FRMD4A: variants seen among roughly 807,000 people sequenced by gnomAD.
FRMD4A encodes FERM domain-containing protein 4A.
In FRMD4A, 29 loss-of-function variants were observed where a neutral mutation model predicts 129.1. The observed-to-expected ratio is 0.22, with a 90% CI of 0.17 to 0.31. FRMD4A has a LOEUF of 0.31. Among genes scored for constraint, FRMD4A ranks in the 10% least tolerant of loss-of-function variants. The pLI is 1.00. For missense variants in FRMD4A, 1,272 were observed against 1,375.8 expected, an observed-to-expected ratio of 0.92 and a Z score of 1.19; for synonymous variants, 634 against 571.6, an observed-to-expected ratio of 1.11 and a Z score of -1.56.
At chr10:13,752,747 A>G (rs1256523283) in intron 8 of FRMD4A, among the ~76,000 whole-genome samples, 1 of 152,226 alleles carries the variant, frequency 6.6e-6, no homozygotes, top group Admixed American at 6.5e-5. Context: ...ATATTTCATA[A>G]GTAGAGTGTT....
intron 5 of FRMD4A, among the ~76,000 whole-genome samples, chr10:13,787,819 T>C (rs1193916786): frequency 6.6e-6 from 1 of 150,424 alleles, no homozygotes; most frequent in East Asian, 1.9e-4. Context: ...TGGCCGGGCA[T>C]GCCTGTAATC....
intron 2 of FRMD4A, among the ~76,000 whole-genome samples, chr10:14,064,040 T>C (rs1305671055): frequency 6.6e-6 from 1 of 152,132 alleles, no homozygotes; most frequent in African/African-American, 2.4e-5. Flanking sequence ...GCTCCTTAAG[T>C]CAATACCAAG....
At chr10:13,729,760 A>T (rs140295695) in intron 12 of FRMD4A, among the ~76,000 whole-genome samples, 93 of 152,274 alleles carry the variant, frequency 6.1e-4, no homozygotes, top group African/African-American at 2.1e-3. Context: ...AAGTGTACAT[A>T]AAAGCCCCCC....
chr10:13,662,268 C>T (rs1172756650), intron 19 of FRMD4A, among the ~76,000 whole-genome samples: 1 of 152,126 alleles, frequency 6.6e-6, no homozygotes, highest in African/African-American at 2.4e-5. Context: ...AAATATATTC[C>T]AATCTGATTT....
intron 2 of FRMD4A, among the ~76,000 whole-genome samples, chr10:14,178,574 G>C (rs892140041): frequency 1.3e-5 from 2 of 152,146 alleles, no homozygotes; most frequent in African/African-American, 4.8e-5. Flanking sequence ...GAGAGAGGGT[G>C]GTGGGGATTA....
intron 2 of FRMD4A, among the ~76,000 whole-genome samples, chr10:14,101,517 C>T (rs1169292326): frequency 6.6e-6 from 1 of 152,090 alleles, no homozygotes; most frequent in Non-Finnish European, 1.5e-5. Context: ...TTCAACACAT[C>T]TTTTGAGATA....
At chr10:14,242,483 A>G (rs1053752837) in intron 2 of FRMD4A, among the ~76,000 whole-genome samples, 1 of 152,238 alleles carries the variant, frequency 6.6e-6, no homozygotes, top group African/African-American at 2.4e-5. Flanking sequence ...CCGCAGGTAT[A>G]AGTAGTATAT....
Position 14,193,984 on chromosome 10 carries a change from T to C in FRMD4A, c.45+136074A>G, listed in dbSNP as rs1842397177. ...AAATTCCCTTTCTTTTTTAATTCCATGAAGATCAGACTTTAAGACACAGAA... is the reference window on the plus strand; with the variant it reads ...AAATTCCCTTTCTTTTTTAATTCCACGAAGATCAGACTTTAAGACACAGAA... On this transcript the variant is annotated intron_variant, in intron 2 of 24. Coordinates refer to ENST00000357447, the MANE Select transcript of FRMD4A (RefSeq NM_018027.5). Among the ~76,000 whole-genome samples the C allele has an allele frequency of 2.6e-5, 4 of 152,328 alleles. No homozygotes were observed. In the South Asian group the frequency reaches 8.3e-4, roughly 32 times the overall value.
chr10:14,037,212 A>G (rs1328065343), intron 2 of FRMD4A, among the ~76,000 whole-genome samples: 1 of 152,166 alleles, frequency 6.6e-6, no homozygotes, highest in Non-Finnish European at 1.5e-5. Flanking sequence ...TATAAATTGT[A>G]CTTCACTGTC....
intron 2 of FRMD4A, among the ~76,000 whole-genome samples, chr10:14,186,712 A>C (rs991047266): frequency 6.6e-6 from 1 of 152,152 alleles, no homozygotes; most frequent in African/African-American, 2.4e-5. Flanking sequence ...GAGGGTTATC[A>C]GCCTCTGAGG....
At chr10:13,650,487 C>G (rs577212124) in intron 24 of FRMD4A, among the ~76,000 whole-genome samples, 3 of 152,342 alleles carry the variant, frequency 2.0e-5, no homozygotes, top group African/African-American at 7.2e-5. Context: ...GCAGCTCTTT[C>G]AAACCTGGTT....
rs143269279 is a variant in FRMD4A, at chr10:13,953,894, A to G, written c.46-94982T>C. ...GGGTAGACAACTGCATATTGTCATA[A>G]CTCTTGCAGTATCAATTATTTTTAC... is the stretch of plus-strand genomic sequence containing the variant. On this transcript the variant is annotated intron_variant, in intron 2 of 24. Coordinates refer to ENST00000357447, the MANE Select transcript of FRMD4A (RefSeq NM_018027.5). Among the ~76,000 whole-genome samples the G allele has an allele frequency of 3.9e-5, 6 of 152,288 alleles. No individual in the cohort carries two copies. In the East Asian group the frequency reaches 1.2e-3, roughly 29 times the overall value.
chr10:14,157,939 G>C (rs1016875492), intron 2 of FRMD4A, among the ~76,000 whole-genome samples: 1 of 152,144 alleles, frequency 6.6e-6, no homozygotes, highest in Non-Finnish European at 1.5e-5. Flanking sequence ...ATTTTCAGCA[G>C]ACAAGGAAAA....
At chr10:14,012,017 GAA>G (rs112386377) in intron 2 of FRMD4A, among the ~76,000 whole-genome samples, 8 of 107,630 alleles carry the variant, frequency 7.4e-5, no homozygotes, top group African/African-American at 1.0e-4. Flanking sequence ...TGTCTCAAAG[GAA>G]AAAAAAAAAA....
At chr10:13,812,866 A>C (rs1284284357) in intron 3 of FRMD4A, among the ~76,000 whole-genome samples, 1 of 152,258 alleles carries the variant, frequency 6.6e-6, no homozygotes, top group Non-Finnish European at 1.5e-5. Context: ...AGCAATCTCT[A>C]TAACCAACAG....
chr10:14,235,522 T>G (rs10796174), intron 2 of FRMD4A, among the ~76,000 whole-genome samples: 74,313 of 151,948 alleles, frequency 0.49, 18,965 homozygotes, highest in South Asian at 0.65. Flanking sequence ...GTTCCTGGTT[T>G]ACACTATAAT....
intron 12 of FRMD4A, 74 bp from the exon 13 acceptor site, chr10:13,707,187 A>C: frequency 2.1e-6 from 2 of 944,290 alleles, no homozygotes; most frequent in South Asian, 1.3e-5. Context: ...TCTGCTGGTT[A>C]ACTTTCGACA....
chr10:13,799,138 T>C (rs957723342), intron 4 of FRMD4A, among the ~76,000 whole-genome samples: 2 of 152,216 alleles, frequency 1.3e-5, no homozygotes, highest in African/African-American at 4.8e-5. Context: ...ATGCATTCAT[T>C]TTCCCCAGCT....
At chr10:13,697,038 A>G (rs997687680) in intron 14 of FRMD4A, among the ~76,000 whole-genome samples, 1 of 152,200 alleles carries the variant, frequency 6.6e-6, no homozygotes, top group South Asian at 2.1e-4. Flanking sequence ...CCCTTGTCAT[A>G]CCAGAACTCT....
Sources: allele counts gnomAD v4.1 joint callset (sites outside exome capture counted in the v4.1 genomes callset), GRCh38; gene constraint gnomAD v4.1.1; transcripts MANE v1.5; gene names NCBI Gene and HGNC (gene_info 2026-07-23, HGNC 2026-07-21).